The following HSD17B11 variants were observed in gnomAD, a reference collection of about 807,000 sequenced individuals.
HSD17B11 encodes hydroxysteroid 17-beta dehydrogenase 11, also known as estradiol 17-beta-dehydrogenase 11.
Under a neutral mutation model 27.8 loss-of-function variants are expected in HSD17B11, and 22 were observed. The ratio of observed to expected loss-of-function variants is 0.79; its 90% CI spans 0.56 to 1.13. The LOEUF (loss-of-function observed/expected upper bound fraction) is 1.13, where lower values mean the gene tolerates loss of function less well. HSD17B11 is among the 50% of genes most tolerant of loss of function. The pLI is 0.00. For synonymous variants in HSD17B11, 117 were observed against 132.8 expected (o/e 0.88, Z 0.82); for missense variants, 314 against 351.1 (o/e 0.89, Z 0.84).
intron 5 of HSD17B11, among the ~76,000 whole-genome samples, chr4:87,354,396 G>C (rs1031018684): frequency 6.6e-6 from 1 of 152,130 alleles, no homozygotes; most frequent in Admixed American, 6.5e-5. Context: ...GAAGTTGGGA[G>C]AATGACTTGA....
intron 4 of HSD17B11, among the ~76,000 whole-genome samples, chr4:87,366,246 T>C (rs1016972307): frequency 6.6e-6 from 1 of 152,162 alleles, no homozygotes; most frequent in African/African-American, 2.4e-5. Context: ...AGTTTTTCCA[T>C]AAATTAAACA....
chr4:87,380,263 A>T (rs2110130732), intron 2 of HSD17B11, among the ~76,000 whole-genome samples: 1 of 151,746 alleles, frequency 6.6e-6, no homozygotes, highest in South Asian at 2.1e-4. Context: ...TCGCGAGGTC[A>T]GGAGATCGAG....
At chr4:87,386,552 T>C (rs974912330) in intron 1 of HSD17B11, among the ~76,000 whole-genome samples, 5 of 151,916 alleles carry the variant, frequency 3.3e-5, no homozygotes, top group African/African-American at 1.2e-4. Context: ...TTCCGGACAG[T>C]GCCCTGTAGA....
intron 1 of HSD17B11, among the ~76,000 whole-genome samples, chr4:87,388,580 A>T (rs1720376756): frequency 6.6e-6 from 1 of 152,120 alleles, no homozygotes. Context: ...TGTAAAGTCA[A>T]CACTCCCCTC....
At chr4:87,338,932 ATAAGT>A (rs1286574348) in intron 6 of HSD17B11, among the ~76,000 whole-genome samples, 1 of 152,254 alleles carries the variant, frequency 6.6e-6, no homozygotes, top group Non-Finnish European at 1.5e-5. Flanking sequence ...TGAACTTCAG[ATAAGT>A]TAAAAAACTA....
chr4:87,388,954 C>T (rs533346181), intron 1 of HSD17B11, among the ~76,000 whole-genome samples: 1 of 152,218 alleles, frequency 6.6e-6, no homozygotes, highest in African/African-American at 2.4e-5. Flanking sequence ...GTGTGTTTAC[C>T]TTATACCACA....
intron 4 of HSD17B11, among the ~76,000 whole-genome samples, chr4:87,359,194 G>A (rs1387949639): frequency 1.3e-5 from 2 of 152,110 alleles, no homozygotes; most frequent in African/African-American, 2.4e-5. Context: ...CCAGTCTTGG[G>A]CAGTTATTTA....
intron 5 of HSD17B11, among the ~76,000 whole-genome samples, chr4:87,347,120 T>TCTTC (rs1735288438): frequency 1.2e-5 from 1 of 84,502 alleles, no homozygotes; most frequent in East Asian, 2.4e-4. Context: ...TTTTTTCTTT[T>TCTTC]TTTTTTTTTT....
At chr4:87,382,182 T>C (rs1676424254) in intron 2 of HSD17B11, 73 bp downstream of exon 2, 1 of 1,093,360 alleles carries the variant, frequency 9.1e-7, no homozygotes, top group South Asian at 1.3e-5. Context: ...CTATATCATG[T>C]ACAGACTGGG....
intron 3 of HSD17B11, among the ~76,000 whole-genome samples, chr4:87,373,825 A>T (rs1408235144): frequency 6.6e-6 from 1 of 152,220 alleles, no homozygotes; most frequent in Non-Finnish European, 1.5e-5. Context: ...TATAAACCCC[A>T]ATATTCTTTT....
At chr4:87,382,998 T>G (rs898718023) in intron 1 of HSD17B11, among the ~76,000 whole-genome samples, 6 of 152,228 alleles carry the variant, frequency 3.9e-5, no homozygotes, top group Admixed American at 3.9e-4. Flanking sequence ...TAATACATTG[T>G]GATGAGTATC....
chr4:87,380,951 AG>A (rs1720148166), intron 2 of HSD17B11, among the ~76,000 whole-genome samples: 2 of 148,332 alleles, frequency 1.3e-5, no homozygotes, highest in African/African-American at 2.5e-5. Flanking sequence ...GAGGCCAAGG[AG>A]GGTGGATCAC....
intron 5 of HSD17B11, among the ~76,000 whole-genome samples, chr4:87,347,126 T>C (rs1560759328): frequency 2.2e-5 from 2 of 89,490 alleles, no homozygotes; most frequent in Non-Finnish European, 2.2e-5. Flanking sequence ...CTTTTTTTTT[T>C]TTTTTTTTTT....
intron 2 of HSD17B11, among the ~76,000 whole-genome samples, chr4:87,380,316 T>C (rs1444857717): frequency 6.9e-6 from 1 of 145,960 alleles, no homozygotes; most frequent in Non-Finnish European, 1.5e-5. Flanking sequence ...CTACTAAAAA[T>C]ACAAAAATTA....
chr4:87,337,000 C>T lies in HSD17B11; in HGVS notation c.*276G>A, dbSNP rs1372317669. 3 of 313,648 alleles carry T rather than the reference C, an allele frequency of 9.6e-6. No homozygotes were observed. The highest frequency in any genetic ancestry group is 5.2e-5 in the Admixed American group (1 of 19,206). The allele number at this position is 313,648 out of a possible 1,614,324, so 19.4% of individuals were successfully genotyped here. A position where few individuals can be genotyped will look rare whatever the true frequency, so the allele number is the denominator to read the frequency against. ...TTTTGCAAAGCCTTCAGGTGAGCCA[C>T]AAATAATCTTGGAAATTATTTTAAT... is the stretch of plus-strand genomic sequence containing the variant. On this transcript the variant is annotated 3_prime_UTR_variant, in exon 7 of 7. Coordinates refer to ENST00000358290, the MANE Select transcript of HSD17B11 (RefSeq NM_016245.5).
At chr4:87,362,680 C>G (rs1341092614) in intron 4 of HSD17B11, among the ~76,000 whole-genome samples, 1 of 151,864 alleles carries the variant, frequency 6.6e-6, no homozygotes, top group Non-Finnish European at 1.5e-5. Flanking sequence ...GTACTCTTTG[C>G]TGATGGCTAT....
chr4:87,387,905 T>G lies in HSD17B11; in HGVS notation c.210+2956A>C, dbSNP rs189462082. The stretch of plus-strand genomic sequence containing the variant: ...AGTCCCCATCATTTCATCTCATGCC[T>G]GGATTATCACAGTAGTCTCTTACTT... On this transcript the variant is annotated intron_variant, in intron 1 of 6. Coordinates refer to ENST00000358290, the MANE Select transcript of HSD17B11 (RefSeq NM_016245.5). Among the ~76,000 whole-genome samples, 167 of 152,320 alleles carry G rather than the reference T, an allele frequency of 1.1e-3. 1 individual carries two copies. Among genetic ancestry groups the G allele is most frequent in the Middle Eastern group, 3.4e-3 (1 of 294 alleles).
Position 87,391,022 on chromosome 4 carries a change from A to G in HSD17B11, c.49T>C (p.Cys17Arg). Residue 17 changes from cysteine (C) to arginine (R), a missense_variant, in exon 1 of 7, where the codon TGC (cysteine) becomes CGC (arginine). Physicochemically the swap from Cys to Arg is radical, Grantham distance 180. Transcript: ENST00000358290. ...ILLLLPLLIVCSLESFVKLFI... is the reference protein window; with the variant it reads ...ILLLLPLLIVRSLESFVKLFI... Reference sequence around the variant, plus strand: ...AGCTTCACGAAGGACTCTAGGGAGCAGACGATCAGTAACGGGAGAAGCAGG... The same window carrying G: ...AGCTTCACGAAGGACTCTAGGGAGCGGACGATCAGTAACGGGAGAAGCAGG... 6.2e-7 allele frequency: 1 copy of G among 1,614,094 alleles called. No homozygotes were observed. Among genetic ancestry groups the G allele is most frequent in the Non-Finnish European group, 8.5e-7 (1 of 1,180,022 alleles).
At chr4:87,364,210 C>A (rs1486378252) in intron 4 of HSD17B11, among the ~76,000 whole-genome samples, 2 of 146,920 alleles carry the variant, frequency 1.4e-5, no homozygotes, top group Admixed American at 1.4e-4. Flanking sequence ...CCGTAGATAA[C>A]TTCTGGTAGC....
Sources: gnomAD v4.1 joint callset for allele counts (sites outside exome capture counted in the v4.1 genomes callset) on GRCh38, gnomAD v4.1.1 for gene constraint, MANE v1.5 for transcripts, NCBI Gene and HGNC (gene_info 2026-07-23, HGNC 2026-07-21) for gene names.